LRRC4C: variants seen among roughly 807,000 people sequenced by gnomAD.
The protein encoded by LRRC4C is leucine rich repeat containing 4C.
LRRC4C carries 5 observed loss-of-function variants against 33.6 expected under a neutral mutation model. The ratio of observed to expected loss-of-function variants is 0.15; its 90% confidence interval spans 0.08 to 0.31. LRRC4C has a LOEUF of 0.31. LRRC4C is among the 10% of genes least tolerant of loss of function. The pLI is 1.00. For synonymous variants in LRRC4C, 329 were observed against 302.0 expected (o/e 1.09, Z -0.93); for missense variants, 560 against 796.7 (o/e 0.70, Z 3.58).
chr11:41,355,714 G>A (rs1264270179), intron 1 of LRRC4C, among the ~76,000 whole-genome samples: 1 of 151,820 alleles, frequency 6.6e-6, no homozygotes, highest in African/African-American at 2.4e-5. Context: ...CTATTTAATT[G>A]AGCTATGTAC....
rs922401474 is a variant in LRRC4C at position 40,779,649 on chromosome 11, C to T, written c.-406-131371G>A. ...CATGCAGAAAATTGTTATAGAGTCA[C>T]GTATCTGGAATTAGAGAGTTCCCTT... is the stretch of plus-strand genomic sequence containing the variant. On this transcript the variant is annotated intron_variant, in intron 2 of 6. Transcript: ENST00000528697. 7.9e-5 allele frequency among the ~76,000 whole-genome samples: 12 copies of T among 152,010 alleles called. No homozygotes were observed. The East Asian group carries it at 1.5e-3, about 20-fold the overall frequency.
Position 40,116,094 on chromosome 11 carries a change from G to T in LRRC4C, c.199C>A (p.Leu67Met), listed in dbSNP as rs935845797. The T allele has an allele frequency of 6.2e-7, 1 of 1,613,986 alleles. No homozygotes were observed. The highest frequency in any genetic ancestry group is 8.5e-7 in the Non-Finnish European group (1 of 1,180,030). Residue 67 changes from leucine to methionine, a missense_variant, in exon 7 of 7, where the codon CTG becomes ATG. Physicochemically the swap from Leu to Met is conservative, Grantham distance 15 (BLOSUM62 2). Transcript: ENST00000528697. ...GAGATGCCATCCGGAACCTCACGCAGGTTTTTCCGAACACAAATCACCTTG... is the reference window on the plus strand; with the variant it reads ...GAGATGCCATCCGGAACCTCACGCATGTTTTTCCGAACACAAATCACCTTG... ...FSKVICVRKN[L>M]REVPDGISTN...
At chr11:40,164,970 T>TA (rs1391803913) in intron 5 of LRRC4C, among the ~76,000 whole-genome samples, 1 of 152,232 alleles carries the variant, frequency 6.6e-6, no homozygotes, top group Non-Finnish European at 1.5e-5. Flanking sequence ...AATTGAAGTA[T>TA]AATTGCTTTT....
At chr11:41,344,901 C>A (rs977564846) in intron 1 of LRRC4C, among the ~76,000 whole-genome samples, 1 of 152,166 alleles carries the variant, frequency 6.6e-6, no homozygotes. Flanking sequence ...ATTTTAGACA[C>A]AATTAACTGC....
chr11:41,154,384 C>T (rs1944133661), intron 1 of LRRC4C, among the ~76,000 whole-genome samples: 1 of 152,056 alleles, frequency 6.6e-6, no homozygotes, highest in Admixed American at 6.6e-5. Flanking sequence ...TCATTATGGC[C>T]TTTATCATTA....
At chr11:40,945,777 G>GACAGTTATC (rs1282235208) in intron 1 of LRRC4C, among the ~76,000 whole-genome samples, 1 of 152,112 alleles carries the variant, frequency 6.6e-6, no homozygotes, top group East Asian at 1.9e-4. Flanking sequence ...GTCCTTACTG[G>GACAGTTATC]ACAGTTATCA....
In LRRC4C at chr11:40,699,649, G is replaced by C. The variant is rs567082262; in HGVS notation, c.-406-51371C>G. 6.4e-4 allele frequency among the ~76,000 whole-genome samples: 97 copies of C among 152,228 alleles called. 1 individual carries two copies. The highest frequency in any genetic ancestry group is 1.2e-3 in the Non-Finnish European group (79 of 68,004). On this transcript the variant is annotated intron_variant, in intron 2 of 6. Transcript: ENST00000528697. ...TAATTTGTTTATTAAAAAAGTAACAGCAACTATGTGCTAGGTGCTGGTGAC... is the reference window on the plus strand; with the variant it reads ...TAATTTGTTTATTAAAAAAGTAACACCAACTATGTGCTAGGTGCTGGTGAC...
chr11:40,777,608 T>C (rs928552884), intron 2 of LRRC4C, among the ~76,000 whole-genome samples: 6 of 152,110 alleles, frequency 3.9e-5, no homozygotes, highest in South Asian at 2.1e-4. Context: ...TCTATAATGC[T>C]TTACTCTGAG....
chr11:40,296,625 C>T (rs1944526609), intron 4 of LRRC4C, among the ~76,000 whole-genome samples: 1 of 152,040 alleles, frequency 6.6e-6, no homozygotes, highest in Non-Finnish European at 1.5e-5. Flanking sequence ...ATGGCAATAC[C>T]ACATTTGTCA....
At chr11:40,917,610 G>C (rs1957014560) in intron 2 of LRRC4C, among the ~76,000 whole-genome samples, 1 of 152,060 alleles carries the variant, frequency 6.6e-6, no homozygotes, top group Non-Finnish European at 1.5e-5. Context: ...CCAGATCCAA[G>C]TCCCAACCCA....
At chr11:40,771,227 A>C (rs941740843) in intron 2 of LRRC4C, among the ~76,000 whole-genome samples, 4 of 152,176 alleles carry the variant, frequency 2.6e-5, no homozygotes, top group African/African-American at 9.6e-5. Flanking sequence ...GTGCACCCAC[A>C]GGACAAACAC....
chr11:40,877,600 T>C (rs532680466), intron 2 of LRRC4C, among the ~76,000 whole-genome samples: 1 of 152,288 alleles, frequency 6.6e-6, no homozygotes, highest in East Asian at 1.9e-4. Flanking sequence ...CTAAAATTCA[T>C]GGCAAATATC....
chr11:40,365,044 A>T (rs901731417), intron 3 of LRRC4C, among the ~76,000 whole-genome samples: 2 of 151,622 alleles, frequency 1.3e-5, no homozygotes, highest in African/African-American at 4.8e-5. Flanking sequence ...CATAATCACC[A>T]CAAGAAAAAG....
intron 2 of LRRC4C, among the ~76,000 whole-genome samples, chr11:40,879,772 C>T (rs909695801): frequency 6.6e-6 from 1 of 151,960 alleles, no homozygotes; most frequent in African/African-American, 2.4e-5. Flanking sequence ...ATAAATAAGG[C>T]AAAAAGATTT....
At chr11:40,127,283 C>CAA (rs1554950309) in intron 6 of LRRC4C, among the ~76,000 whole-genome samples, 1 of 141,008 alleles carries the variant, frequency 7.1e-6, no homozygotes, top group African/African-American at 2.6e-5. Flanking sequence ...TCAAAAAAAG[C>CAA]AAAAAAAAAA....
At chr11:41,033,733 A>AT (rs1856861938) in intron 1 of LRRC4C, among the ~76,000 whole-genome samples, 1 of 152,072 alleles carries the variant, frequency 6.6e-6, no homozygotes, top group African/African-American at 2.4e-5. Context: ...CTTATCAATC[A>AT]CATTAAAATG....
intron 1 of LRRC4C, among the ~76,000 whole-genome samples, chr11:41,448,824 A>G (rs1051582126): frequency 3.3e-5 from 5 of 152,232 alleles, no homozygotes; most frequent in Admixed American, 6.5e-5. Context: ...TACCTACTTC[A>G]TAGTTGTTTT....
chr11:40,996,743 G>A (rs1854004084), intron 1 of LRRC4C, among the ~76,000 whole-genome samples: 1 of 152,238 alleles, frequency 6.6e-6, no homozygotes, highest in South Asian at 2.1e-4. Context: ...TGGCAAAGGG[G>A]GAACAGGAGT....
At chr11:40,434,411 A>C (rs1221726093) in intron 3 of LRRC4C, among the ~76,000 whole-genome samples, 1 of 152,214 alleles carries the variant, frequency 6.6e-6, no homozygotes, top group African/African-American at 2.4e-5. Flanking sequence ...CTTGCCAATG[A>C]GGCAAAAATA....
Sources: gnomAD v4.1 joint callset for allele counts (sites outside exome capture counted in the v4.1 genomes callset) on GRCh38, gnomAD v4.1.1 for gene constraint, MANE v1.5 for transcripts, NCBI Gene and HGNC (gene_info 2026-07-23, HGNC 2026-07-21) for gene names.